The following MICU3 variants were observed in gnomAD, a reference collection of about 807,000 sequenced individuals.
The protein encoded by MICU3 is calcium uptake protein 3, mitochondrial.
In MICU3, 62 loss-of-function variants were observed where a neutral mutation model predicts 66.5. The observed-to-expected ratio is 0.93, with a 90% CI of 0.76 to 1.15. The LOEUF (loss-of-function observed/expected upper bound fraction) is 1.15. Ranked by LOEUF, MICU3 falls within the 50% of genes most tolerant of loss-of-function variation. The pLI, the probability that MICU3 is intolerant of heterozygous loss-of-function variation, is 0.00. For synonymous variants in MICU3, 308 were observed against 240.7 expected, an observed-to-expected ratio of 1.28 and a Z score of -2.59; for missense variants, 779 against 664.4, an observed-to-expected ratio of 1.17 and a Z score of -1.90.
At chr8:17,106,499 G>A (rs1801750607) in intron 11 of MICU3, among the ~76,000 whole-genome samples, 1 of 149,588 alleles carries the variant, frequency 6.7e-6, no homozygotes, top group African/African-American at 2.5e-5. Flanking sequence ...TACCCTAGTA[G>A]TGCAATTTTT....
intron 14 of MICU3, among the ~76,000 whole-genome samples, chr8:17,119,529 A>C (rs958512044): frequency 8.0e-5 from 11 of 137,718 alleles, no homozygotes; most frequent in African/African-American, 2.8e-4. Flanking sequence ...CTCAAGCTTG[A>C]AGCATAGATA....
In MICU3 at chr8:17,121,368, G is replaced by A. The variant is rs1186314869; in HGVS notation, c.*1081G>A. 1 of 151,536 alleles carries A rather than the reference G, an allele frequency of 6.6e-6. No homozygotes were observed. The highest frequency in any genetic ancestry group is 1.5e-5 in the Non-Finnish European group (1 of 67,676). The allele number at this position is 151,536 out of a possible 1,614,324, so 9.4% of individuals were successfully genotyped here. ...TATTTCAAAAGAATATGTCTTAAAAGGGAAAATAAAAACTTTCTGTTGAAT... is the reference window on the plus strand; with the variant it reads ...TATTTCAAAAGAATATGTCTTAAAAAGGAAAATAAAAACTTTCTGTTGAAT... On this transcript the variant is annotated 3_prime_UTR_variant, in exon 15 of 15. Transcript: ENST00000318063.
At position 17,120,458 on chromosome 8, in the gene MICU3, A is replaced by G. The variant is rs1585590437; in HGVS notation, c.*171A>G. 1 of 152,228 alleles carries G rather than the reference A, an allele frequency of 6.6e-6. No homozygotes were observed. Among genetic ancestry groups the G allele is most frequent in the East Asian group, 1.9e-4 (1 of 5,184 alleles). The allele number at this position is 152,228 out of a possible 1,614,324, so 9.4% of individuals were successfully genotyped here. A position where few individuals can be genotyped will look rare whatever the true frequency, so the allele number is the denominator to read the frequency against. On this transcript the variant is annotated 3_prime_UTR_variant, in exon 15 of 15. Coordinates refer to ENST00000318063, the MANE Select transcript of MICU3 (RefSeq NM_181723.3). ...AACTGAATTCTTAAACATAAAACAG[A>G]TAAAATGCATCTTGTTACTACAAAT...
chr8:17,053,450 G>C (rs1398180958), intron 1 of MICU3, among the ~76,000 whole-genome samples: 1 of 152,168 alleles, frequency 6.6e-6, no homozygotes, highest in Non-Finnish European at 1.5e-5. Flanking sequence ...GAAGGATAAT[G>C]ATGTACTCTG....
chr8:17,073,841 T>C (rs1414570367), intron 3 of MICU3, among the ~76,000 whole-genome samples: 1 of 152,156 alleles, frequency 6.6e-6, no homozygotes, highest in Non-Finnish European at 1.5e-5. Context: ...AAATACATTA[T>C]AGCTATGTGT....
chr8:17,071,134 A>C (rs747354594), intron 3 of MICU3, among the ~76,000 whole-genome samples: 2 of 150,704 alleles, frequency 1.3e-5, no homozygotes, highest in Non-Finnish European at 3.0e-5. Flanking sequence ...ATAAGGGGGA[A>C]CTACTGTACA....
chr8:17,116,428 G>A lies in MICU3; in HGVS notation c.1367-15G>A, dbSNP rs771363825. ...TAATAACAGTCTATTCTTTTTCTAT[G>A]TAACATTTATCTAGATGAATTTAAA... On this transcript the variant is annotated splice_polypyrimidine_tract_variant and intron_variant, in intron 12 of 14. Transcript: ENST00000318063. 5 of 1,404,412 alleles carry A rather than the reference G, an allele frequency of 3.6e-6. No homozygotes were observed. The highest frequency in any genetic ancestry group is 4.7e-6 in the Non-Finnish European group (5 of 1,070,118). 87.0% of individuals were successfully genotyped at this position (1,404,412 alleles called of 1,614,324 possible).
the MICU3 span, among the ~76,000 whole-genome samples, chr8:17,137,970 C>T: frequency 6.6e-6 from 1 of 151,952 alleles, no homozygotes; most frequent in African/African-American, 2.4e-5. Context: ...CTGCCTCAGC[C>T]TTCCAAAGTG....
rs1005292826 is a variant in MICU3 at position 17,064,098 on chromosome 8, A to G, written c.396A>G (p.Arg132=). 13 of 1,611,224 alleles carry G rather than the reference A, an allele frequency of 8.1e-6. No homozygotes were observed. The highest frequency in any genetic ancestry group is 1.1e-5 in the Non-Finnish European group (13 of 1,178,484). Residue 132 remains arginine, a synonymous_variant, in exon 2 of 15, where the codon AGA becomes AGG. Coordinates refer to ENST00000318063, the MANE Select transcript of MICU3 (RefSeq NM_181723.3). ...AAAKETVAIG[R]TDIEDLDLYA... ...CTTAACTTTAGGTTGCTATTGGCAG[A>G]ACAGACATTGAAGACTTAGACCTTT...
chr8:17,038,812 G>A (rs1220614431), intron 1 of MICU3, among the ~76,000 whole-genome samples: 1 of 152,064 alleles, frequency 6.6e-6, no homozygotes, highest in Non-Finnish European at 1.5e-5. Context: ...AATTAGCCAG[G>A]CGTGGTGGCA....
chr8:17,079,665 T>C (rs1026516861), intron 4 of MICU3, among the ~76,000 whole-genome samples: 5 of 151,986 alleles, frequency 3.3e-5, no homozygotes, highest in South Asian at 2.1e-4. Flanking sequence ...CCCTCATTTT[T>C]TGAGTTTTTG....
At chr8:17,085,835 T>G (rs1799414220) in intron 6 of MICU3, among the ~76,000 whole-genome samples, 1 of 152,130 alleles carries the variant, frequency 6.6e-6, no homozygotes, top group Non-Finnish European at 1.5e-5. Flanking sequence ...TTGATGTTTC[T>G]TTGATGGGTC....
intron 7 of MICU3, among the ~76,000 whole-genome samples, chr8:17,088,836 A>C (rs2150751756): frequency 1.3e-5 from 2 of 152,092 alleles, no homozygotes; most frequent in South Asian, 4.1e-4. Context: ...CACTGCAGCC[A>C]AGGTATAAGA....
intron 1 of MICU3, among the ~76,000 whole-genome samples, chr8:17,053,542 G>A (rs1186549844): frequency 6.6e-6 from 1 of 152,158 alleles, no homozygotes; most frequent in East Asian, 1.9e-4. Context: ...AAATTCCAGA[G>A]AAGATAATTG....
chr8:17,118,745 C>T lies in MICU3; in HGVS notation c.1563C>T (p.Ser521=), dbSNP rs1380100193. The T allele has an allele frequency of 1.9e-6, 3 of 1,612,452 alleles. No individual in the cohort carries two copies. The highest frequency in any genetic ancestry group is 2.5e-6 in the Non-Finnish European group (3 of 1,178,912). ...TCCAGAAGTACCCCACTTTCAAATCCTGCCTGAAGAAAGAACTTCACAGCA... is the reference window on the plus strand; with the variant it reads ...TCCAGAAGTACCCCACTTTCAAATCTTGCCTGAAGAAAGAACTTCACAGCA... The part of the protein sequence containing the change: ...KTVQKYPTFK[S]CLKKELHSR Residue 521 remains serine (S), a synonymous_variant, in exon 14 of 15, where the codon TCC becomes TCT. Coordinates refer to ENST00000318063, the MANE Select transcript of MICU3 (RefSeq NM_181723.3).
intron 8 of MICU3, among the ~76,000 whole-genome samples, chr8:17,092,328 C>T (rs1563365163): frequency 6.6e-6 from 1 of 151,640 alleles, no homozygotes; most frequent in East Asian, 1.9e-4. Context: ...AATAACGTTG[C>T]TAAAAGAAAA....
chr8:17,034,976 T>C (rs1812726561), intron 1 of MICU3, among the ~76,000 whole-genome samples: 1 of 152,158 alleles, frequency 6.6e-6, no homozygotes, highest in South Asian at 2.1e-4. Flanking sequence ...ACATATGTCA[T>C]GAGAGGGACC....
the MICU3 span, among the ~76,000 whole-genome samples, chr8:17,137,540 G>A: frequency 2.0e-5 from 3 of 147,602 alleles, no homozygotes; most frequent in Non-Finnish European, 3.0e-5. Context: ...AAAAAAAAAG[G>A]GGGCCCTGTA....
intron 11 of MICU3, among the ~76,000 whole-genome samples, chr8:17,108,634 A>G (rs1275793496): frequency 6.6e-6 from 1 of 151,890 alleles, no homozygotes; most frequent in Non-Finnish European, 1.5e-5. Flanking sequence ...ACTCCTAGCC[A>G]CCTCCACTGC....
Sources: gnomAD v4.1 joint callset for allele counts (sites outside exome capture counted in the v4.1 genomes callset) on GRCh38, gnomAD v4.1.1 for gene constraint, MANE v1.5 for transcripts, NCBI Gene and HGNC (gene_info 2026-07-23, HGNC 2026-07-21) for gene names.